EHMT1: variants seen among roughly 807,000 people sequenced by gnomAD.
The protein encoded by EHMT1 is histone-lysine N-methyltransferase EHMT1.
In EHMT1, 15 loss-of-function variants were observed where a neutral mutation model predicts 147.2. The ratio of observed to expected loss-of-function variants is 0.10; its 90% CI spans 0.07 to 0.16. The LOEUF is 0.16. Among genes scored for constraint, EHMT1 ranks in the 10% least tolerant of loss-of-function variants. The probability of loss-of-function intolerance (pLI) is 1.00; values close to 1 mark genes in which losing one functional copy is unlikely to be tolerated. For synonymous variants in EHMT1, 795 were observed against 709.6 expected (o/e 1.12, Z -1.91); for missense variants, 1,587 against 1,772.4 (o/e 0.90, Z 1.88).
At chr9:137,815,372 C>T (rs892422045) in intron 22 of EHMT1, 3 of 185,754 alleles carry the variant, frequency 1.6e-5, no homozygotes, top group African/African-American at 7.0e-5. Context: ...TGAGGAGCGC[C>T]CTAATTGTTC....
At chr9:137,790,803 C>G in intron 15 of EHMT1, 45 bp from the exon 16 acceptor site, 1 of 1,614,118 alleles carries the variant, frequency 6.2e-7, no homozygotes, top group Non-Finnish European at 8.5e-7. Context: ...CAGGCGGTGG[C>G]TACCGTCACA....
chr9:137,735,738 G>T (rs1947475569), intron 4 of EHMT1, among the ~76,000 whole-genome samples: 1 of 152,192 alleles, frequency 6.6e-6, no homozygotes, highest in Admixed American at 6.5e-5. Context: ...GAATAGATCA[G>T]TGCCCTCCCT....
At chr9:137,712,283 C>T (rs1944810781) in intron 2 of EHMT1, among the ~76,000 whole-genome samples, 1 of 152,202 alleles carries the variant, frequency 6.6e-6, no homozygotes, top group Non-Finnish European at 1.5e-5. Flanking sequence ...CCACAAGCCC[C>T]AGGTTATTCC....
intron 6 of EHMT1, among the ~76,000 whole-genome samples, chr9:137,750,451 A>T (rs1948876036): frequency 6.6e-6 from 1 of 152,252 alleles, no homozygotes; most frequent in African/African-American, 2.4e-5. Context: ...TAATATCACC[A>T]GAGTACCTAG....
chr9:137,716,456 ATGG>A (rs1474479506), intron 2 of EHMT1, among the ~76,000 whole-genome samples, 167 bp from the exon 3 acceptor site: 2 of 29,014 alleles, frequency 6.9e-5, no homozygotes, highest in South Asian at 1.5e-3. Flanking sequence ...TGTTGGTGTC[ATGG>A]TGGGGGAGGA....
intron 4 of EHMT1, among the ~76,000 whole-genome samples, chr9:137,733,219 G>A (rs917579639): frequency 5.9e-5 from 9 of 152,242 alleles, no homozygotes; most frequent in South Asian, 2.1e-4. Context: ...TGGCCGTGCT[G>A]AATCAGGATC....
intron 1 of EHMT1, among the ~76,000 whole-genome samples, chr9:137,660,463 C>G (rs529807538): frequency 6.6e-6 from 1 of 152,072 alleles, no homozygotes; most frequent in African/African-American, 2.4e-5. Flanking sequence ...GTGGGGGTTT[C>G]TGTTTTGTTT....
rs1335055740 is a variant in EHMT1, at chr9:137,775,170, C to A, written c.1709C>A (p.Pro570Gln). The change falls in exon 11 of 27, where the codon CCG (proline) becomes CAG (glutamine). Residue 570 changes from proline (P) to glutamine (Q), a missense_variant. By Grantham distance (76) the Pro-to-Gln change is moderately conservative (BLOSUM62 -1). Transcript: ENST00000460843. The surrounding 1 kb of genome is among the most constrained non-coding windows in gnomAD (Gnocchi z 6.1). ...CTGATGCGCCCCTCCAACAAGGCCC[C>A]GCTCCTCGTGCTGTGTGAAGACCAC... Reference protein sequence around the residue: ...YELMRPSNKAPLLVLCEDHRG... With the variant: ...YELMRPSNKAQLLVLCEDHRG... 1.2e-6 allele frequency: 2 copies of A among 1,614,012 alleles called. No individual in the cohort carries two copies. The highest frequency in any genetic ancestry group is 1.7e-6 in the Non-Finnish European group (2 of 1,180,036).
In EHMT1 at chr9:137,817,712, G is replaced by A. The variant is rs1187671187; in HGVS notation, c.3461+187G>A. On this transcript the variant is annotated intron_variant, in intron 24 of 26. Coordinates refer to ENST00000460843, the MANE Select transcript of EHMT1 (RefSeq NM_024757.5). ...TGCTGTCCTCAGTCCTCTTGCTGCTGCCCGTAACCAGCCCAGGAGTGCATT... is the reference window on the plus strand; with the variant it reads ...TGCTGTCCTCAGTCCTCTTGCTGCTACCCGTAACCAGCCCAGGAGTGCATT... The A allele has an allele frequency of 6.9e-6, 5 of 727,432 alleles. No homozygotes were observed. In the South Asian group the frequency reaches 6.9e-5, roughly 10 times the overall value. 45.1% of individuals were successfully genotyped at this position (727,432 alleles called of 1,614,324 possible).
chr9:137,741,561 A>G (rs537276129), intron 4 of EHMT1, among the ~76,000 whole-genome samples: 6 of 152,354 alleles, frequency 3.9e-5, no homozygotes, highest in Admixed American at 3.3e-4. Flanking sequence ...TATGATATTA[A>G]TAACCATGGG....
At chr9:137,686,686 A>C (rs959023813) in intron 1 of EHMT1, among the ~76,000 whole-genome samples, 2 of 150,132 alleles carry the variant, frequency 1.3e-5, no homozygotes, top group Admixed American at 1.3e-4. Flanking sequence ...CAGCTGAGTC[A>C]ATTTTTATAC....
intron 1 of EHMT1, among the ~76,000 whole-genome samples, chr9:137,690,631 G>A (rs1330806327): frequency 6.6e-6 from 1 of 151,906 alleles, no homozygotes; most frequent in African/African-American, 2.4e-5. Flanking sequence ...GTGCAGTGGC[G>A]CGATCTCGGC....
At position 137,811,343 on chromosome 9, in the gene EHMT1, C is replaced by T. The variant is rs141138372; in HGVS notation, c.2713-118C>T. 11,361 of 1,425,130 alleles carry T rather than the reference C, an allele frequency of 8.0e-3. 63 individuals carry two copies. Among genetic ancestry groups the T allele is most frequent in the Non-Finnish European group, 0.01 (10,496 of 1,028,862 alleles). 88.3% of individuals were successfully genotyped at this position (1,425,130 alleles called of 1,614,324 possible). The stretch of plus-strand genomic sequence containing the variant: ...CCTTTCCACCTGGCCCTGCTGCGGA[C>T]GGCCACGCATGCTCCAGAGCCTCTC... On this transcript the variant is annotated intron_variant, in intron 18 of 26. Coordinates refer to ENST00000460843, the MANE Select transcript of EHMT1 (RefSeq NM_024757.5).
intron 16 of EHMT1, among the ~76,000 whole-genome samples, chr9:137,792,943 C>T (rs1289716150): frequency 6.6e-6 from 1 of 152,198 alleles, no homozygotes; most frequent in Non-Finnish European, 1.5e-5. Flanking sequence ...GTCACGCACT[C>T]ACGTTCGTAG....
At position 137,750,889 on chromosome 9, in the gene EHMT1, G is replaced by A. The variant is rs1948912932; in HGVS notation, c.1171-1442G>A. 2.0e-5 allele frequency among the ~76,000 whole-genome samples: 3 copies of A among 152,230 alleles called. No homozygotes were observed. The South Asian group carries it at 6.2e-4, about 32-fold the overall frequency. The stretch of plus-strand genomic sequence containing the variant: ...GGGGTATTAAATCAGTGGTCAAGGG[G>A]TCATGAACTTTTTAATAACTATGGT... On this transcript the variant is annotated intron_variant, in intron 6 of 26. Transcript: ENST00000460843.
At chr9:137,693,488 A>G (rs1943112930) in intron 1 of EHMT1, among the ~76,000 whole-genome samples, 2 of 152,122 alleles carry the variant, frequency 1.3e-5, no homozygotes, top group South Asian at 2.1e-4. Flanking sequence ...CATTAATGAC[A>G]GAGCTGGGAT....
chr9:137,714,432 T>C (rs1945018021), intron 2 of EHMT1, among the ~76,000 whole-genome samples: 4 of 152,144 alleles, frequency 2.6e-5, no homozygotes, highest in Admixed American at 2.6e-4. Context: ...GGCATATTAA[T>C]TCATTTTTAG....
At chr9:137,653,325 G>A (rs1938066745) in intron 1 of EHMT1, among the ~76,000 whole-genome samples, 1 of 152,146 alleles carries the variant, frequency 6.6e-6, no homozygotes, top group South Asian at 2.1e-4. Context: ...TGTAGCCCAG[G>A]AGCAATAGGC....
chr9:137,711,564 C>A (rs1364335213), intron 2 of EHMT1, among the ~76,000 whole-genome samples: 2 of 152,144 alleles, frequency 1.3e-5, no homozygotes, highest in Non-Finnish European at 2.9e-5. Context: ...ACTTGGAGAA[C>A]AGCAGTGGTT....
Sources: allele counts gnomAD v4.1 joint callset (sites outside exome capture counted in the v4.1 genomes callset), GRCh38; gene constraint gnomAD v4.1.1; non-coding constraint Gnocchi (gnomAD v3.1); transcripts MANE v1.5; gene names NCBI Gene and HGNC (gene_info 2026-07-23, HGNC 2026-07-21).